CFAP210: variants seen among roughly 807,000 people sequenced by gnomAD.
CFAP210 encodes the protein cilia and flagella associated protein 210.
At chr2:169,681,204 G>A in the CFAP210 span, 1 of 1,613,104 alleles carries the variant, frequency 6.2e-7, no homozygotes, top group South Asian at 1.1e-5. Flanking sequence ...GGCAGATAGA[G>A]AACTTGATCT....
the CFAP210 span, among the ~76,000 whole-genome samples, chr2:169,693,126 G>A: frequency 2.0e-5 from 3 of 152,218 alleles, no homozygotes; most frequent in African/African-American, 7.2e-5. Context: ...CATTCTGGCT[G>A]ATGTCATCCC....
the CFAP210 span, among the ~76,000 whole-genome samples, chr2:169,686,352 T>C: frequency 6.6e-6 from 1 of 152,236 alleles, no homozygotes; most frequent in South Asian, 2.1e-4. Context: ...AAGTAGAATT[T>C]TGATAGGAAT....
the CFAP210 span, among the ~76,000 whole-genome samples, chr2:169,660,601 TA>T: frequency 0.013 from 1,395 of 106,964 alleles, 19 homozygotes; most frequent in African/African-American, 0.037. Context: ...TATATATATA[TA>T]TATTTTTTTT....
At chr2:169,673,468 T>G in the CFAP210 span, among the ~76,000 whole-genome samples, 1 of 152,152 alleles carries the variant, frequency 6.6e-6, no homozygotes, top group Non-Finnish European at 1.5e-5. Context: ...TTACAATAAA[T>G]CCAAAGGTTT....
At chr2:169,687,705 C>T in the CFAP210 span, among the ~76,000 whole-genome samples, 1 of 152,318 alleles carries the variant, frequency 6.6e-6, no homozygotes, top group Non-Finnish European at 1.5e-5. Context: ...GCGCATGGTG[C>T]AAGCTGTCAG....
chr2:169,666,141 G>T, the CFAP210 span, among the ~76,000 whole-genome samples: 1 of 151,990 alleles, frequency 6.6e-6, no homozygotes, highest in African/African-American at 2.4e-5. Context: ...CTTCTAAACT[G>T]ATCCTTTTGG....
the CFAP210 span, among the ~76,000 whole-genome samples, chr2:169,667,947 C>G: frequency 6.6e-6 from 1 of 152,130 alleles, no homozygotes; most frequent in Non-Finnish European, 1.5e-5. Context: ...TAGCTGCTAA[C>G]AAGGGAGTCA....
chr2:169,647,830 A>T, the CFAP210 span, among the ~76,000 whole-genome samples: 3 of 152,278 alleles, frequency 2.0e-5, no homozygotes, highest in South Asian at 6.2e-4. Context: ...GAGTATTTTT[A>T]AAACTTCTAA....
the CFAP210 span, chr2:169,661,359 G>T: frequency 2.4e-6 from 1 of 414,992 alleles, no homozygotes. Context: ...GCATTTTCAG[G>T]CACTGCTTGT....
At chr2:169,694,364 A>T in the CFAP210 span, 2 of 1,598,800 alleles carry the variant, frequency 1.3e-6, no homozygotes, top group Non-Finnish European at 1.7e-6. Flanking sequence ...TGTGGCGCCA[A>T]GCGCCGCGGA....
At chr2:169,654,144 A>G in the CFAP210 span, 1 of 1,601,186 alleles carries the variant, frequency 6.2e-7, no homozygotes, top group Non-Finnish European at 8.5e-7. Context: ...GAATTTTCTC[A>G]TCTTTTCATC....
chr2:169,649,071 A>G, the CFAP210 span: 1 of 878,874 alleles, frequency 1.1e-6, no homozygotes. Flanking sequence ...TCATAACCAT[A>G]ATGACCATTT....
chr2:169,645,997 A>G, the CFAP210 span: 1 of 1,613,982 alleles, frequency 6.2e-7, no homozygotes, highest in Non-Finnish European at 8.5e-7. Context: ...GGCCACCTCC[A>G]GGTCCTTCCT....
the CFAP210 span, among the ~76,000 whole-genome samples, chr2:169,673,387 C>T: frequency 3.3e-5 from 5 of 152,178 alleles, no homozygotes; most frequent in Admixed American, 2.0e-4. Context: ...CAAAGACTTG[C>T]CTTCCTCTGC....
chr2:169,673,138 A>T, the CFAP210 span, among the ~76,000 whole-genome samples: 2 of 152,194 alleles, frequency 1.3e-5, no homozygotes, highest in Non-Finnish European at 2.9e-5. Context: ...TGCACTGAAG[A>T]TATGCCAAAG....
At chr2:169,675,399 CTGCT>C in the CFAP210 span, among the ~76,000 whole-genome samples, 1 of 152,288 alleles carries the variant, frequency 6.6e-6, no homozygotes, top group Admixed American at 6.5e-5. Flanking sequence ...ATGCTGGCAT[CTGCT>C]CAGCTTCTGG....
chr2:169,674,464 C>T, the CFAP210 span: 1 of 896,942 alleles, frequency 1.1e-6, no homozygotes, highest in Non-Finnish European at 1.6e-6. Context: ...CCTTTTTGTA[C>T]TTTTTCTACT....
At chr2:169,681,049 C>G in the CFAP210 span, 2 of 1,613,894 alleles carry the variant, frequency 1.2e-6, no homozygotes, top group Non-Finnish European at 1.7e-6. Context: ...CTTGAGATCG[C>G]AAATGCATTT....
the CFAP210 span, among the ~76,000 whole-genome samples, chr2:169,684,958 A>G: frequency 6.6e-6 from 1 of 152,228 alleles, no homozygotes; most frequent in East Asian, 1.9e-4. Context: ...GCCTGGCCCT[A>G]ATTCCTTTTT....
Sources: gnomAD v4.1 joint callset for allele counts (sites outside exome capture counted in the v4.1 genomes callset) on GRCh38, gnomAD v4.1.1 for gene constraint, MANE v1.5 for transcripts, NCBI Gene and HGNC (gene_info 2026-07-23, HGNC 2026-07-21) for gene names.